The following PTPRN2 variants were observed in gnomAD, a reference collection of about 807,000 sequenced individuals.
PTPRN2 encodes protein tyrosine phosphatase receptor type N2, also known as receptor-type tyrosine-protein phosphatase N2.
Under a neutral mutation model 118.8 loss-of-function variants are expected in PTPRN2, and 74 were observed. That is an observed-to-expected ratio of 0.62 (90% CI 0.52 to 0.76). The LOEUF (loss-of-function observed/expected upper bound fraction) is 0.76. Ranked by LOEUF, PTPRN2 falls within the 30% of genes least tolerant of loss-of-function variation. The probability of loss-of-function intolerance (pLI) is 0.00; values close to 1 mark genes in which losing one functional copy is unlikely to be tolerated. For synonymous variants in PTPRN2, 641 were observed against 608.0 expected (o/e 1.05, Z -0.80); for missense variants, 1,481 against 1,394.4 (o/e 1.06, Z -0.99).
chr7:158,331,163 ACT>A (rs1804338563), intron 2 of PTPRN2, among the ~76,000 whole-genome samples: 1 of 137,914 alleles, frequency 7.3e-6, no homozygotes, highest in Non-Finnish European at 1.5e-5. Flanking sequence ...TCACACCCAC[ACT>A]CTCACCAGAA....
At chr7:158,350,063 C>T (rs566848491) in intron 2 of PTPRN2, among the ~76,000 whole-genome samples, 1 of 152,258 alleles carries the variant, frequency 6.6e-6, no homozygotes, top group East Asian at 1.9e-4. Flanking sequence ...CTGTGTCTCC[C>T]CTAAAACATC....
chr7:157,923,025 C>G (rs1039050343), intron 11 of PTPRN2, among the ~76,000 whole-genome samples: 5 of 152,208 alleles, frequency 3.3e-5, no homozygotes, highest in Non-Finnish European at 1.5e-5. Context: ...ACCCCAGAGG[C>G]TGTTTACTCA....
At chr7:157,608,972 A>G (rs1009189796) in intron 15 of PTPRN2, among the ~76,000 whole-genome samples, 4 of 152,370 alleles carry the variant, frequency 2.6e-5, no homozygotes, top group Middle Eastern at 3.4e-3. Context: ...GAACTCACGT[A>G]GAGTCTTCCT....
intron 12 of PTPRN2, among the ~76,000 whole-genome samples, chr7:157,788,535 T>A (rs1804227003): frequency 6.6e-6 from 1 of 152,106 alleles, no homozygotes; most frequent in Admixed American, 6.5e-5. Flanking sequence ...GCTGGAGCAG[T>A]CCCCAAGCTC....
intron 1 of PTPRN2, among the ~76,000 whole-genome samples, chr7:158,520,896 G>A (rs533128785): frequency 1.8e-3 from 268 of 152,268 alleles, no homozygotes; most frequent in South Asian, 3.9e-3. Flanking sequence ...GATTCAGCAG[G>A]AGGATACACA....
At chr7:158,059,173 C>G (rs538131202) in intron 11 of PTPRN2, among the ~76,000 whole-genome samples, 35 of 115,394 alleles carry the variant, frequency 3.0e-4, no homozygotes, top group African/African-American at 1.0e-3. Flanking sequence ...CATCTGCACA[C>G]GGTGACACAT....
chr7:157,599,971 C>A (rs1181006292), intron 16 of PTPRN2, among the ~76,000 whole-genome samples: 3 of 96,618 alleles, frequency 3.1e-5, no homozygotes, highest in East Asian at 3.2e-4. Context: ...ACCTGCCTAC[C>A]TCTCCACCTG....
intron 11 of PTPRN2, among the ~76,000 whole-genome samples, chr7:158,066,903 C>T (rs887252258): frequency 6.6e-5 from 10 of 152,160 alleles, no homozygotes; most frequent in South Asian, 2.1e-4. Flanking sequence ...GCCTGTCAAG[C>T]GGGAAATAAA....
At chr7:157,605,481 G>A (rs1349336801) in intron 15 of PTPRN2, among the ~76,000 whole-genome samples, 5 of 152,214 alleles carry the variant, frequency 3.3e-5, no homozygotes, top group Admixed American at 6.5e-5. Flanking sequence ...TGGCGAGCAG[G>A]GGGCATGTCT....
At chr7:157,649,231 T>C (rs1463739484) in intron 14 of PTPRN2, among the ~76,000 whole-genome samples, 3 of 105,812 alleles carry the variant, frequency 2.8e-5, no homozygotes, top group Admixed American at 1.9e-4. Flanking sequence ...CAGCGTGCAC[T>C]GAACTCGGTG....
At chr7:157,545,327 T>C (rs1585009679) in intron 22 of PTPRN2, among the ~76,000 whole-genome samples, 1 of 148,078 alleles carries the variant, frequency 6.8e-6, no homozygotes, top group Middle Eastern at 3.7e-3. Flanking sequence ...GGTGTGTAGG[T>C]GTGTGTGGGG....
At chr7:158,042,885 G>T (rs11977196) in intron 11 of PTPRN2, among the ~76,000 whole-genome samples, 77,263 of 152,126 alleles carry the variant, frequency 0.51, 20,307 homozygotes, top group Non-Finnish European at 0.56. Flanking sequence ...GTATTATGCT[G>T]TTTTCATAAT....
intron 2 of PTPRN2, among the ~76,000 whole-genome samples, chr7:158,386,656 A>G (rs531385726): frequency 2.6e-5 from 4 of 152,182 alleles, no homozygotes; most frequent in South Asian, 2.1e-4. Context: ...AACCTGGAAA[A>G]AAATGGATCC....
At chr7:158,204,942 A>T (rs186948973) in intron 4 of PTPRN2, among the ~76,000 whole-genome samples, 1 of 152,196 alleles carries the variant, frequency 6.6e-6, no homozygotes, top group African/African-American at 2.4e-5. Flanking sequence ...GTCTCATGGA[A>T]AAACGAAGAA....
chr7:158,056,568 T>G (rs1325563306), intron 11 of PTPRN2, among the ~76,000 whole-genome samples: 1 of 152,178 alleles, frequency 6.6e-6, no homozygotes, highest in East Asian at 1.9e-4. Flanking sequence ...GATGGGATGT[T>G]TTCGTGTGCA....
At chr7:158,192,556 G>A in intron 4 of PTPRN2, 61 bp from the exon 5 acceptor site, 1 of 1,506,734 alleles carries the variant, frequency 6.6e-7, no homozygotes, top group Non-Finnish European at 8.8e-7. Context: ...GAGCTGCTCT[G>A]TCCCCTGTGG....
intron 12 of PTPRN2, among the ~76,000 whole-genome samples, chr7:157,872,418 CTTT>C (rs1563193740): frequency 2.8e-5 from 4 of 142,730 alleles, no homozygotes; most frequent in African/African-American, 1.1e-4. Flanking sequence ...TACCCAGTGT[CTTT>C]CCCACACACA....
chr7:157,827,263 G>A (rs1335220239), intron 12 of PTPRN2, among the ~76,000 whole-genome samples: 3 of 152,124 alleles, frequency 2.0e-5, no homozygotes, highest in African/African-American at 7.2e-5. Context: ...ACAACACCCT[G>A]CATTTGGGTT....
In PTPRN2 at chr7:157,979,408, G is replaced by A. The variant is rs75466308; in HGVS notation, c.1724-80671C>T. 4.9e-3 allele frequency among the ~76,000 whole-genome samples: 739 copies of A among 152,300 alleles called. 7 individuals carry two copies. Among genetic ancestry groups the A allele is most frequent in the South Asian group, 0.027 (132 of 4,818 alleles). ...TTCCACATCTGAGAAAACACTTCAC[G>A]TCGCTGTGGCTGCAGCAGCAATGGT... On this transcript the variant is annotated intron_variant, in intron 11 of 22. Coordinates refer to ENST00000389418, the MANE Select transcript of PTPRN2 (RefSeq NM_002847.5).
Sources: gnomAD v4.1 joint callset for allele counts (sites outside exome capture counted in the v4.1 genomes callset) on GRCh38, gnomAD v4.1.1 for gene constraint, MANE v1.5 for transcripts, NCBI Gene and HGNC (gene_info 2026-07-23, HGNC 2026-07-21) for gene names.